CLVS1: variants seen among roughly 807,000 people sequenced by gnomAD.
CLVS1 encodes clavesin-1.
A neutral mutation model predicts 33.1 loss-of-function variants in CLVS1; 10 were observed. The ratio of observed to expected loss-of-function variants is 0.30; its 90% confidence interval spans 0.19 to 0.51. The LOEUF is 0.51. Among genes scored for constraint, CLVS1 ranks in the 20% least tolerant of loss-of-function variants. The pLI is 0.97. For missense variants in CLVS1, 343 were observed against 433.4 expected, an observed-to-expected ratio of 0.79 and a Z score of 1.85; for synonymous variants, 163 against 166.1, an observed-to-expected ratio of 0.98 and a Z score of 0.14.
chr8:61,342,562 C>T (rs942903757), intron 2 of CLVS1, among the ~76,000 whole-genome samples: 40 of 152,204 alleles, frequency 2.6e-4, no homozygotes, highest in Non-Finnish European at 2.1e-4. Flanking sequence ...CTGTTCTCTC[C>T]GTGCTTGTGC....
chr8:61,342,412 T>A (rs1812058469), intron 2 of CLVS1, among the ~76,000 whole-genome samples: 1 of 151,826 alleles, frequency 6.6e-6, no homozygotes, highest in Non-Finnish European at 1.5e-5. Context: ...CTGACACTTG[T>A]TGCCTATATC....
At chr8:61,358,783 G>C (rs142338183) in intron 2 of CLVS1, among the ~76,000 whole-genome samples, 1 of 152,226 alleles carries the variant, frequency 6.6e-6, no homozygotes, top group East Asian at 1.9e-4. Flanking sequence ...CTGGGTGTTG[G>C]ATACATCAGG....
At chr8:61,073,819 T>C (rs1422741816) in intron 1 of CLVS1, among the ~76,000 whole-genome samples, 1 of 148,942 alleles carries the variant, frequency 6.7e-6, no homozygotes, top group Non-Finnish European at 1.5e-5. Flanking sequence ...GAGACCATCC[T>C]GGCTAACACG....
chr8:60,980,940 G>A, the CLVS1 span, among the ~76,000 whole-genome samples: 1 of 152,182 alleles, frequency 6.6e-6, no homozygotes, highest in Non-Finnish European at 1.5e-5. Flanking sequence ...CACAGAAGAG[G>A]AGGAGGCCAT....
the CLVS1 span, among the ~76,000 whole-genome samples, chr8:60,973,781 C>T: frequency 6.6e-6 from 1 of 152,176 alleles, no homozygotes; most frequent in Non-Finnish European, 1.5e-5. Flanking sequence ...CTCGAGCTCA[C>T]TCGCCCAGCT....
At chr8:61,231,815 A>G (rs981215686) in intron 2 of CLVS1, among the ~76,000 whole-genome samples, 1 of 152,088 alleles carries the variant, frequency 6.6e-6, no homozygotes, top group Admixed American at 6.5e-5. Context: ...GGTGTAGACC[A>G]GTAGGGACCC....
At chr8:61,393,491 T>C (rs1256683037) in intron 3 of CLVS1, among the ~76,000 whole-genome samples, 3 of 152,226 alleles carry the variant, frequency 2.0e-5, no homozygotes, top group African/African-American at 7.2e-5. Flanking sequence ...TTGTGTAATA[T>C]TACCAGAATT....
intron 2 of CLVS1, among the ~76,000 whole-genome samples, chr8:61,232,232 T>C (rs1808463347): frequency 6.6e-6 from 1 of 151,732 alleles, no homozygotes; most frequent in South Asian, 2.1e-4. Context: ...GAGACGGGGT[T>C]TCACCATGTT....
intron 2 of CLVS1, among the ~76,000 whole-genome samples, chr8:61,304,537 G>A (rs1810549561): frequency 6.6e-6 from 1 of 152,178 alleles, no homozygotes; most frequent in Admixed American, 6.5e-5. Flanking sequence ...TTTTATCCCA[G>A]CTCCCCAGCT....
intron 2 of CLVS1, among the ~76,000 whole-genome samples, chr8:61,210,872 G>A (rs1807956335): frequency 6.6e-6 from 1 of 152,112 alleles, no homozygotes; most frequent in Non-Finnish European, 1.5e-5. Context: ...GGGACAGCTT[G>A]TAGAGTAGGA....
intron 2 of CLVS1, among the ~76,000 whole-genome samples, chr8:61,250,947 C>T (rs988045084): frequency 6.6e-6 from 1 of 152,168 alleles, no homozygotes; most frequent in Non-Finnish European, 1.5e-5. Context: ...ACTTCCAATA[C>T]TGTGTTGAAT....
chr8:61,289,936 T>A (rs976931903), intron 1 of CLVS1, among the ~76,000 whole-genome samples: 7 of 152,218 alleles, frequency 4.6e-5, no homozygotes, highest in Non-Finnish European at 1.0e-4. Context: ...GTAAAATATG[T>A]GGTGAAATGG....
chr8:61,051,254 T>C, the CLVS1 span, among the ~76,000 whole-genome samples: 1 of 152,234 alleles, frequency 6.6e-6, no homozygotes, highest in African/African-American at 2.4e-5. Flanking sequence ...TGCATGGCTG[T>C]TGCCAGCTGG....
the CLVS1 span, among the ~76,000 whole-genome samples, chr8:61,035,187 C>CT: frequency 0.095 from 12,324 of 129,196 alleles, 878 homozygotes; most frequent in African/African-American, 0.16. Flanking sequence ...TTTCTTTTTT[C>CT]TTTTTTTTTT....
At chr8:61,270,328 G>A (rs543045653) in intron 2 of CLVS1, among the ~76,000 whole-genome samples, 22 of 152,232 alleles carry the variant, frequency 1.4e-4, no homozygotes, top group East Asian at 3.9e-4. Context: ...ATTGATTTGC[G>A]TATATTGAAC....
At chr8:61,483,881 C>T (rs936368147) in intron 5 of CLVS1, among the ~76,000 whole-genome samples, 2 of 151,992 alleles carry the variant, frequency 1.3e-5, no homozygotes, top group Non-Finnish European at 2.9e-5. Flanking sequence ...AGAAAAGGCT[C>T]CGACAAAATT....
chr8:61,227,622 G>T (rs1422871340), intron 2 of CLVS1, among the ~76,000 whole-genome samples: 3 of 152,166 alleles, frequency 2.0e-5, no homozygotes, highest in Non-Finnish European at 4.4e-5. Flanking sequence ...TTATTCTCAT[G>T]TTTACCTTTT....
the CLVS1 span, among the ~76,000 whole-genome samples, chr8:61,047,299 AG>A: frequency 6.6e-6 from 1 of 152,238 alleles, no homozygotes; most frequent in Admixed American, 6.5e-5. Flanking sequence ...TTAAAAAGTC[AG>A]GAAACAACAG....
intron 2 of CLVS1, among the ~76,000 whole-genome samples, chr8:61,235,166 G>T (rs1808529640): frequency 8.0e-6 from 1 of 125,368 alleles, no homozygotes; most frequent in East Asian, 2.1e-4. Context: ...TTGCTGGTTA[G>T]ATTGTGGAGT....
Sources: gnomAD v4.1 joint callset for allele counts (sites outside exome capture counted in the v4.1 genomes callset) on GRCh38, gnomAD v4.1.1 for gene constraint, MANE v1.5 for transcripts, NCBI Gene and HGNC (gene_info 2026-07-23, HGNC 2026-07-21) for gene names.